Variants in ANKRD13B observed in about 807,000 individuals in gnomAD.
ANKRD13B encodes the protein ankyrin repeat domain 13B.
ANKRD13B carries 33 observed loss-of-function variants against 74.4 expected under a neutral mutation model. The observed-to-expected ratio is 0.44, with a 90% CI of 0.34 to 0.59. The LOEUF is 0.59. Among genes scored for constraint, ANKRD13B ranks in the 20% least tolerant of loss-of-function variants. ANKRD13B has a pLI of 0.02. For synonymous variants in ANKRD13B, 341 were observed against 362.9 expected, an observed-to-expected ratio of 0.94 and a Z score of 0.68; for missense variants, 676 against 877.9, an observed-to-expected ratio of 0.77 and a Z score of 2.91.
chr17:29,607,595 C>G (rs1175380363), intron 1 of ANKRD13B, 147 bp from the exon 2 acceptor site: 1 of 1,120,998 alleles, frequency 8.9e-7, no homozygotes, highest in East Asian at 2.6e-5. Flanking sequence ...CCCATAGTGT[C>G]TGTCTTTCCG....
At chr17:29,594,505 G>A (rs543659998) in intron 1 of ANKRD13B, among the ~76,000 whole-genome samples, 1 of 152,354 alleles carries the variant, frequency 6.6e-6, no homozygotes, top group Admixed American at 6.5e-5. Flanking sequence ...CAGAAAACAG[G>A]GGAAGGGGGG....
Position 29,612,963 on chromosome 17 carries a change from G to T in ANKRD13B, c.1652G>T (p.Arg551Met). 7 of 1,597,124 alleles carry T rather than the reference G, an allele frequency of 4.4e-6. No individual in the cohort carries two copies. The highest frequency in any genetic ancestry group is 5.9e-6 in the Non-Finnish European group (7 of 1,179,284). Residue 551 changes from arginine (R) to methionine (M), a missense_variant and splice_region_variant, in exon 14 of 15, where the codon AGG becomes ATG. Coordinates refer to ENST00000394859, the MANE Select transcript of ANKRD13B (RefSeq NM_152345.5). This position sits in a 1 kb window ranked among gnomAD's most constrained non-coding sequence, Gnocchi z 6.1. ...PMSYEGRRQD[R>M]SAPPTPQRQP... ...TCCTACGAGGGTCGCCGACAGGACA[G>T]GTCAGTGCCCGCTGGGCCGGAGAGA...
chr17:29,612,981 C>T lies in ANKRD13B; in HGVS notation c.1652+18C>T. On this transcript the variant is annotated intron_variant, in intron 14 of 14. Coordinates refer to ENST00000394859, the MANE Select transcript of ANKRD13B (RefSeq NM_152345.5). The surrounding 1 kb of genome is among the most constrained non-coding windows in gnomAD (Gnocchi z 6.1). The stretch of plus-strand genomic sequence containing the variant: ...CAGGACAGGTCAGTGCCCGCTGGGC[C>T]GGAGAGAATCCTCCGGAGAGGATCC... The T allele has an allele frequency of 6.3e-7, 1 of 1,592,792 alleles. No homozygotes were observed. Among genetic ancestry groups the T allele is most frequent in the Non-Finnish European group, 8.5e-7 (1 of 1,177,296 alleles).
At chr17:29,599,899 C>T (rs1220599204) in intron 1 of ANKRD13B, among the ~76,000 whole-genome samples, 5 of 41,014 alleles carry the variant, frequency 1.2e-4, no homozygotes, top group Admixed American at 3.7e-4. Context: ...TTTTTTGATA[C>T]GGAGTCTCGC....
intron 1 of ANKRD13B, 98 bp downstream of exon 1, chr17:29,593,833 G>A: frequency 3.3e-6 from 2 of 609,556 alleles, no homozygotes; most frequent in Non-Finnish European, 4.6e-6. Context: ...CCTCCCTGGC[G>A]AGTTTGCGGC....
rs1830532173 is a variant in ANKRD13B, at chr17:29,613,438, C to T, written c.1737C>T (p.Gly579=). The T allele has an allele frequency of 1.3e-6, 2 of 1,530,682 alleles. No individual in the cohort carries two copies. Among genetic ancestry groups the T allele is most frequent in the African/African-American group, 1.4e-5 (1 of 70,564 alleles). 94.8% of individuals were successfully genotyped at this position (1,530,682 alleles called of 1,614,324 possible). Reference sequence around the variant, plus strand: ...GGCCCAGCTCAGGGCCAGGTTCCGGCGGCCACGTGTTCCGGAGCTACGACG... The same window carrying T: ...GGCCCAGCTCAGGGCCAGGTTCCGGTGGCCACGTGTTCCGGAGCTACGACG... The part of the protein sequence containing the change: ...SPRPSSGPGS[G]GHVFRSYDEQ... Residue 579 remains glycine (G), a synonymous_variant, in exon 15 of 15, where the codon GGC becomes GGT. Transcript: ENST00000394859.
rs894934633 is a variant in ANKRD13B, at chr17:29,593,535, C to T, written c.-87C>T. 3.0e-5 allele frequency: 14 copies of T among 471,998 alleles called. No individual in the cohort carries two copies. The South Asian group carries it at 1.0e-3, about 34-fold the overall frequency. The allele number at this position is 471,998 out of a possible 1,614,324, so 29.2% of individuals were successfully genotyped here. A position where few individuals can be genotyped will look rare whatever the true frequency, so the allele number is the denominator to read the frequency against. On this transcript the variant is annotated 5_prime_UTR_variant, in exon 1 of 15. Coordinates refer to ENST00000394859, the MANE Select transcript of ANKRD13B (RefSeq NM_152345.5). ...CAGCCCCGCGAGCAGGCAGCGCCGGCCCCCCGCCCCGCGGCCCCGGGCCCC... is the reference window on the plus strand; with the variant it reads ...CAGCCCCGCGAGCAGGCAGCGCCGGTCCCCCGCCCCGCGGCCCCGGGCCCC...
Position 29,613,758 on chromosome 17 carries a change from C to A in ANKRD13B, c.*176C>A. The A allele has an allele frequency of 9.3e-7, 1 of 1,074,000 alleles. No individual in the cohort carries two copies. Among genetic ancestry groups the A allele is most frequent in the Non-Finnish European group, 1.2e-6 (1 of 800,196 alleles). The allele number at this position is 1,074,000 out of a possible 1,614,324, so 66.5% of individuals were successfully genotyped here. A position where few individuals can be genotyped will look rare whatever the true frequency, so the allele number is the denominator to read the frequency against. ...AGGGATTCGGCATGGCCGCGGGGTA[C>A]CTTCCCAGGCCAGGGCCCTGGAGGC... On this transcript the variant is annotated 3_prime_UTR_variant, in exon 15 of 15. Transcript: ENST00000394859.
chr17:29,602,432 G>A (rs1173007183), intron 1 of ANKRD13B, among the ~76,000 whole-genome samples: 1 of 152,078 alleles, frequency 6.6e-6, no homozygotes, highest in Non-Finnish European at 1.5e-5. Flanking sequence ...TCACAGTTCG[G>A]GAGACATAAA....
At chr17:29,603,663 C>A (rs376969268) in intron 1 of ANKRD13B, among the ~76,000 whole-genome samples, 1 of 152,116 alleles carries the variant, frequency 6.6e-6, no homozygotes, top group Non-Finnish European at 1.5e-5. Context: ...CTGTTATTTC[C>A]ATTCAGTGAA....
Position 29,612,306 on chromosome 17 carries a change from T to C in ANKRD13B, c.1258+33T>C. ...CGCACGGCCATTTCTCCTGAGCCCG[T>C]GGCGGGCCGACCGGGGTTTAGATGA... On this transcript the variant is annotated intron_variant, in intron 11 of 14. Transcript: ENST00000394859. The surrounding 1 kb of genome is among the most constrained non-coding windows in gnomAD (Gnocchi z 6.1). 1 of 1,612,720 alleles carries C rather than the reference T, an allele frequency of 6.2e-7. No individual in the cohort carries two copies. Among genetic ancestry groups the C allele is most frequent in the Non-Finnish European group, 8.5e-7 (1 of 1,179,064 alleles).
In ANKRD13B at chr17:29,608,135, A is replaced by T. The variant is rs1363469677; in HGVS notation, c.375+25A>T. ...GGTGAGGCCCAGCCTCTCAGCCTCC[A>T]CGGGAGCCCTTGAGCCCTTCTCCAG... On this transcript the variant is annotated intron_variant, in intron 3 of 14. Coordinates refer to ENST00000394859, the MANE Select transcript of ANKRD13B (RefSeq NM_152345.5). The surrounding 1 kb of genome is among the most constrained non-coding windows in gnomAD (Gnocchi z 6.4). 2 of 1,613,726 alleles carry T rather than the reference A, an allele frequency of 1.2e-6. No individual in the cohort carries two copies. The highest frequency in any genetic ancestry group is 3.3e-5 in the Admixed American group (2 of 59,984).
At chr17:29,606,073 T>A (rs1228817717) in intron 1 of ANKRD13B, among the ~76,000 whole-genome samples, 2 of 151,676 alleles carry the variant, frequency 1.3e-5, no homozygotes, top group Non-Finnish European at 2.9e-5. Context: ...CCACCACGCC[T>A]GGCTAATTTT....
At chr17:29,600,829 C>T (rs1376861480) in intron 1 of ANKRD13B, among the ~76,000 whole-genome samples, 1 of 152,164 alleles carries the variant, frequency 6.6e-6, no homozygotes. Context: ...TTGTGAGGCC[C>T]CAGCCACTTT....
At chr17:29,613,057 G>T in intron 14 of ANKRD13B, 94 bp downstream of exon 14, 1 of 1,480,056 alleles carries the variant, frequency 6.8e-7, no homozygotes, top group Non-Finnish European at 9.1e-7. Flanking sequence ...GCCCTCGGCA[G>T]GGACCCTCCT....
In ANKRD13B at chr17:29,612,879, C is replaced by G; in HGVS notation, c.1576-8C>G. 6.3e-7 allele frequency: 1 copy of G among 1,599,272 alleles called. No individual in the cohort carries two copies. Among genetic ancestry groups the G allele is most frequent in the South Asian group, 1.1e-5 (1 of 90,986 alleles). ...GCCGCCACGGCTAACGCCCACGCCTCCCCGCAGGTCACCATCTGGGAGGCG... is the reference window on the plus strand; with the variant it reads ...GCCGCCACGGCTAACGCCCACGCCTGCCCGCAGGTCACCATCTGGGAGGCG... On this transcript the variant is annotated splice_region_variant and splice_polypyrimidine_tract_variant and intron_variant, in intron 13 of 14. Transcript: ENST00000394859. This position sits in a 1 kb window ranked among gnomAD's most constrained non-coding sequence, Gnocchi z 6.1.
intron 1 of ANKRD13B, 160 bp downstream of exon 1, chr17:29,593,895 A>ATGGGAGCGGGCAGGGCCCGC: frequency 3.2e-6 from 1 of 315,506 alleles, no homozygotes; most frequent in East Asian, 5.6e-5. Flanking sequence ...GGAAAGGGTG[A>ATGGGAGCGGGCAGGGCCCGC]TCCCCTCCGG....
In ANKRD13B at chr17:29,611,859, C is replaced by T. The variant is rs2034589871; in HGVS notation, c.970-17C>T. 5.1e-6 allele frequency: 8 copies of T among 1,574,960 alleles called. No homozygotes were observed. The East Asian group carries it at 1.8e-4, about 35-fold the overall frequency. On this transcript the variant is annotated splice_polypyrimidine_tract_variant and intron_variant, in intron 9 of 14. Coordinates refer to ENST00000394859, the MANE Select transcript of ANKRD13B (RefSeq NM_152345.5). The surrounding 1 kb of genome is among the most constrained non-coding windows in gnomAD (Gnocchi z 4.3). ...GGAACTGAGGGGAGCTCCTGGGCCC[C>T]TCCCCATGTGGTACAGACCCTGATC...
Position 29,612,395 on chromosome 17 carries a change from T to C in ANKRD13B, c.1259-7T>C, listed in dbSNP as rs749384279. On this transcript the variant is annotated splice_polypyrimidine_tract_variant and splice_region_variant and intron_variant, in intron 11 of 14. Coordinates refer to ENST00000394859, the MANE Select transcript of ANKRD13B (RefSeq NM_152345.5). The surrounding 1 kb of genome is among the most constrained non-coding windows in gnomAD (Gnocchi z 6.1). ...GTGGTGGCGCCTAAAGGTTTCCTCA[T>C]CCTCAGAAATCCCGATCTTCCACAT... 3 of 1,612,462 alleles carry C rather than the reference T, an allele frequency of 1.9e-6. No individual in the cohort carries two copies. In the Admixed American group the frequency reaches 5.0e-5, roughly 27 times the overall value.
Sources: gnomAD v4.1 joint callset for allele counts (sites outside exome capture counted in the v4.1 genomes callset) on GRCh38, gnomAD v4.1.1 for gene constraint, Gnocchi (gnomAD v3.1) non-coding constraint, MANE v1.5 for transcripts, NCBI Gene and HGNC (gene_info 2026-07-23, HGNC 2026-07-21) for gene names.